ZSWIM3: variants seen among roughly 807,000 people sequenced by gnomAD.
The protein encoded by ZSWIM3 is zinc finger SWIM-type containing 3.
A neutral mutation model predicts 47.5 loss-of-function variants in ZSWIM3; 27 were observed. The ratio of observed to expected loss-of-function variants is 0.57; its 90% CI spans 0.42 to 0.78. The LOEUF (loss-of-function observed/expected upper bound fraction) is 0.78. ZSWIM3 is among the 30% of genes least tolerant of loss of function. The pLI, the probability that ZSWIM3 is intolerant of heterozygous loss-of-function variation, is 0.00. For missense variants in ZSWIM3, 689 were observed against 861.3 expected (o/e 0.80, Z 2.50); for synonymous variants, 333 against 333.9 (o/e 1.00, Z 0.03).
intron 1 of ZSWIM3, among the ~76,000 whole-genome samples, chr20:45,871,864 G>GAAA (rs11410450): frequency 5.3e-5 from 7 of 131,922 alleles, no homozygotes; most frequent in Non-Finnish European, 6.3e-5. Flanking sequence ...CTGTCTCAAA[G>GAAA]AAAAAAAAAA....
chr20:45,866,648 A>G (rs1157501901), intron 1 of ZSWIM3, among the ~76,000 whole-genome samples: 1 of 152,062 alleles, frequency 6.6e-6, no homozygotes, highest in Non-Finnish European at 1.5e-5. Flanking sequence ...TCTACAAAAA[A>G]TAAATTAACT....
At chr20:45,873,622 C>T (rs1986025464) in intron 1 of ZSWIM3, among the ~76,000 whole-genome samples, 2 of 152,128 alleles carry the variant, frequency 1.3e-5, no homozygotes. Flanking sequence ...AATATTTTGC[C>T]TGTGGCTCAT....
chr20:45,874,716 G>A (rs543177025), intron 1 of ZSWIM3, among the ~76,000 whole-genome samples: 1 of 152,212 alleles, frequency 6.6e-6, no homozygotes, highest in African/African-American at 2.4e-5. Flanking sequence ...ATTTTAAACG[G>A]GAGTAACCAG....
chr20:45,868,259 A>G (rs1354915910), intron 1 of ZSWIM3, among the ~76,000 whole-genome samples: 1 of 152,240 alleles, frequency 6.6e-6, no homozygotes, highest in Non-Finnish European at 1.5e-5. Context: ...GAAGAAGGGA[A>G]ATCAACAAAG....
Position 45,879,009 on chromosome 20 carries a change from G to A in ZSWIM3, c.*360G>A, listed in dbSNP as rs1372068644. 3.1e-5 allele frequency: 6 copies of A among 195,884 alleles called. No individual in the cohort carries two copies. Among genetic ancestry groups the A allele is most frequent in the Non-Finnish European group, 5.2e-5 (5 of 96,016 alleles). 12.1% of individuals were successfully genotyped at this position (195,884 alleles called of 1,614,324 possible). A position where few individuals can be genotyped will look rare whatever the true frequency, so the allele number is the denominator to read the frequency against. On this transcript the variant is annotated 3_prime_UTR_variant, in exon 2 of 2. Transcript: ENST00000255152. ...GAGACAAAATCGGTCTGGTAAAAGG[G>A]CCTGTTTTCAGGGACAAAGGGAATG...
At chr20:45,875,066 TC>T (rs1350893166) in intron 1 of ZSWIM3, among the ~76,000 whole-genome samples, 5 of 114,466 alleles carry the variant, frequency 4.4e-5, no homozygotes, top group Admixed American at 1.2e-4. Flanking sequence ...TTTGACAGAG[TC>T]TCACTCTGTC....
intron 1 of ZSWIM3, among the ~76,000 whole-genome samples, chr20:45,875,425 G>C (rs1442449672): frequency 6.6e-6 from 1 of 151,962 alleles, no homozygotes; most frequent in Non-Finnish European, 1.5e-5. Context: ...GCCTCCCAAA[G>C]TGCTGGGATT....
chr20:45,861,570 G>A (rs1985709217), intron 1 of ZSWIM3, among the ~76,000 whole-genome samples: 1 of 152,132 alleles, frequency 6.6e-6, no homozygotes, highest in Non-Finnish European at 1.5e-5. Flanking sequence ...TTGGTGGGTT[G>A]GGATTTGTTT....
chr20:45,863,707 A>C (rs75461409), intron 1 of ZSWIM3, among the ~76,000 whole-genome samples: 8,565 of 152,294 alleles, frequency 0.056, 282 homozygotes, highest in South Asian at 0.13. Flanking sequence ...TAAGAGACAA[A>C]TAGTTTAGGG....
chr20:45,872,838 T>G (rs1194564252), intron 1 of ZSWIM3: 1 of 1,274,706 alleles, frequency 7.8e-7, no homozygotes, highest in East Asian at 5.6e-5. Context: ...ACAGACACTC[T>G]CAGCCCCAAA....
At chr20:45,858,129 C>T (rs6017705) in intron 1 of ZSWIM3, 149 bp downstream of exon 1, 55 of 860,266 alleles carry the variant, frequency 6.4e-5, no homozygotes, top group African/African-American at 1.9e-4. Context: ...TGCTGTGTGC[C>T]TTGTGAAGAG....
At chr20:45,862,477 T>G (rs1985733784) in intron 1 of ZSWIM3, among the ~76,000 whole-genome samples, 1 of 151,378 alleles carries the variant, frequency 6.6e-6, no homozygotes, top group African/African-American at 2.4e-5. Flanking sequence ...TTTATTTCAT[T>G]TTTATTTATT....
At chr20:45,874,611 A>T (rs1255056720) in intron 1 of ZSWIM3, among the ~76,000 whole-genome samples, 1 of 152,218 alleles carries the variant, frequency 6.6e-6, no homozygotes, top group Non-Finnish European at 1.5e-5. Flanking sequence ...AGAACCACTG[A>T]TCTAGTCCAA....
chr20:45,876,546 C>T lies in ZSWIM3; in HGVS notation c.156-168C>T, dbSNP rs577757554. 2.0e-4 allele frequency among the ~76,000 whole-genome samples: 30 copies of T among 151,910 alleles called. No individual in the cohort carries two copies. The East Asian group carries it at 5.2e-3, about 27-fold the overall frequency. On this transcript the variant is annotated intron_variant, in intron 1 of 1. Coordinates refer to ENST00000255152, the MANE Select transcript of ZSWIM3 (RefSeq NM_080752.4). The stretch of plus-strand genomic sequence containing the variant: ...TAGAGCCAGGGTCTCTCCATGTTGC[C>T]CAGGCTGGTCTCAGACTCCTGGGCT...
At chr20:45,862,618 A>G (rs1985737537) in intron 1 of ZSWIM3, among the ~76,000 whole-genome samples, 2 of 151,974 alleles carry the variant, frequency 1.3e-5, no homozygotes, top group South Asian at 4.1e-4. Context: ...CAGCCTCCCA[A>G]GGAGCTGAGA....
In ZSWIM3 at chr20:45,878,402, G is replaced by A. The variant is rs150906252; in HGVS notation, c.1844G>A (p.Arg615Gln). ...ACAGGCCAGCCTGAGAAGCAAGGAC[G>A]GAACGACATGATTCAGGACCTAAGC... is the stretch of plus-strand genomic sequence containing the variant. Reference protein sequence around the residue: ...PNTGQPEKQGRNDMIQDLSRE... With the variant: ...PNTGQPEKQGQNDMIQDLSRE... The change falls in exon 2 of 2, where the codon CGG (arginine) becomes CAG (glutamine). Residue 615 changes from arginine to glutamine, a missense_variant. Coordinates refer to ENST00000255152, the MANE Select transcript of ZSWIM3 (RefSeq NM_080752.4). 1.3e-4 allele frequency: 212 copies of A among 1,614,234 alleles called. 1 individual carries two copies. The Middle Eastern group carries it at 1.8e-3, about 14-fold the overall frequency.
In ZSWIM3 at chr20:45,877,367, C is replaced by A; in HGVS notation, c.809C>A (p.Thr270Lys). 6.2e-7 allele frequency: 1 copy of A among 1,614,200 alleles called. No individual in the cohort carries two copies. Among genetic ancestry groups the A allele is most frequent in the Non-Finnish European group, 8.5e-7 (1 of 1,180,038 alleles). The stretch of plus-strand genomic sequence containing the variant: ...GTGGCCAAGATGCTGAGCATCTTCA[C>A]AGAGTTCAACTCCGATTGGCCCAAG... ...TSVAKMLSIFTEFNSDWPKVK... is the reference protein window; with the variant it reads ...TSVAKMLSIFKEFNSDWPKVK... The change falls in exon 2 of 2, where the codon ACA becomes AAA. Residue 270 changes from threonine to lysine, a missense_variant. Physicochemically the swap from Thr to Lys is moderately conservative, Grantham distance 78 (BLOSUM62 -1). Coordinates refer to ENST00000255152, the MANE Select transcript of ZSWIM3 (RefSeq NM_080752.4).
At chr20:45,859,438 A>AAGAAG (rs33959858) in intron 1 of ZSWIM3, among the ~76,000 whole-genome samples, 8 of 146,654 alleles carry the variant, frequency 5.5e-5, no homozygotes, top group African/African-American at 2.0e-4. Flanking sequence ...AAAAAAAAAA[A>AAGAAG]AAGAAATGTA....
At position 45,876,780 on chromosome 20, in the gene ZSWIM3, C is replaced by T. The variant is rs754120651; in HGVS notation, c.222C>T (p.Asp74=). The change falls in exon 2 of 2, where the codon GAC becomes GAT. Residue 74 remains aspartate (D), a synonymous_variant. Coordinates refer to ENST00000255152, the MANE Select transcript of ZSWIM3 (RefSeq NM_080752.4). ...ACAGGAAGAGAACGCGGGAGGCAGA[C>T]ATGTGCCCAGCGTACTTGCTCCTAA... is the stretch of plus-strand genomic sequence containing the variant. ...QSNRKRTREA[D]MCPAYLLLRY... 53 of 1,614,016 alleles carry T rather than the reference C, an allele frequency of 3.3e-5. No homozygotes were observed. The highest frequency in any genetic ancestry group is 5.9e-6 in the Non-Finnish European group (7 of 1,180,036).
Sources: allele counts gnomAD v4.1 joint callset (sites outside exome capture counted in the v4.1 genomes callset), GRCh38; gene constraint gnomAD v4.1.1; transcripts MANE v1.5; gene names NCBI Gene and HGNC (gene_info 2026-07-23, HGNC 2026-07-21).